The following DGKH variants were observed in gnomAD, a reference collection of about 807,000 sequenced individuals.
The protein encoded by DGKH is diacylglycerol kinase eta.
A neutral mutation model predicts 159.3 loss-of-function variants in DGKH; 90 were observed. The ratio of observed to expected loss-of-function variants is 0.57; its 90% CI spans 0.48 to 0.67. The LOEUF (loss-of-function observed/expected upper bound fraction) is 0.67, where lower values mean the gene tolerates loss of function less well. Among genes scored for constraint, DGKH ranks in the 30% least tolerant of loss-of-function variants. The pLI is 0.00. For synonymous variants in DGKH, 536 were observed against 553.8 expected, an observed-to-expected ratio of 0.97 and a Z score of 0.45; for missense variants, 1,181 against 1,506.1, an observed-to-expected ratio of 0.78 and a Z score of 3.57.
At chr13:42,047,292 T>C (rs1225206614), upstream of DGKH, among the ~76,000 whole-genome samples, 1 of 152,088 alleles carries the variant, frequency 6.6e-6, no homozygotes. Context: ...TTAGCTCTAA[T>C]ATATCAAATT....
chr13:42,207,541 A>T (rs1957536813), intron 21 of DGKH, among the ~76,000 whole-genome samples: 1 of 151,752 alleles, frequency 6.6e-6, no homozygotes, highest in Non-Finnish European at 1.5e-5. Context: ...TTTTATTTTC[A>T]GAAATATCAA....
chr13:42,190,259 C>T, intron 15 of DGKH, 144 bp from the exon 16 acceptor site: 1 of 908,474 alleles, frequency 1.1e-6, no homozygotes, highest in Non-Finnish European at 1.6e-6. Flanking sequence ...GACATCAACC[C>T]CAAGTTCATT....
chr13:42,185,178 A>G (rs1408060108), intron 13 of DGKH, among the ~76,000 whole-genome samples: 2 of 152,190 alleles, frequency 1.3e-5, no homozygotes, highest in Non-Finnish European at 2.9e-5. Flanking sequence ...TAATAACTCT[A>G]CATTCACTAT....
chr13:42,198,715 G>C, intron 18 of DGKH, 120 bp downstream of exon 18: 2 of 941,456 alleles, frequency 2.1e-6, no homozygotes, highest in Admixed American at 2.6e-5. Context: ...AAAAAAGGAT[G>C]ATCAGAAAAT....
At chr13:42,110,801 GTT>G (rs1327684197) in intron 1 of DGKH, among the ~76,000 whole-genome samples, 3 of 152,192 alleles carry the variant, frequency 2.0e-5, no homozygotes, top group African/African-American at 4.8e-5. Flanking sequence ...TGAAAAAACT[GTT>G]ATGTCTGGTA....
At chr13:42,112,622 T>G (rs1954884112) in intron 1 of DGKH, among the ~76,000 whole-genome samples, 1 of 152,252 alleles carries the variant, frequency 6.6e-6, no homozygotes, top group African/African-American at 2.4e-5. Flanking sequence ...CAACTACTCC[T>G]GGTGGCAGTT....
At position 42,207,693 on chromosome 13, in the gene DGKH, GTGTATATA is replaced by G. The variant is rs1466583483; in HGVS notation, c.2602-1264_2602-1257del. ...AAAGAGAGGGCACAATTATTAAAGT[GTGTATATA>G]TATATATATATATATCAGTAAAAAT... is the stretch of plus-strand genomic sequence containing the variant. On this transcript the variant is annotated intron_variant, in intron 21 of 29. Coordinates refer to ENST00000337343, the MANE Select transcript of DGKH (RefSeq NM_178009.5). 1.7e-4 allele frequency among the ~76,000 whole-genome samples: 22 copies of G among 126,534 alleles called. 1 individual carries two copies. Among genetic ancestry groups the G allele is most frequent in the Middle Eastern group, 4.7e-3 (1 of 212 alleles). The allele number at this position is 126,534 out of a possible 152,430, so 83.0% of individuals were successfully genotyped here.
At chr13:42,196,588 A>G (rs1190320340) in intron 17 of DGKH, among the ~76,000 whole-genome samples, 1 of 152,224 alleles carries the variant, frequency 6.6e-6, no homozygotes, top group East Asian at 1.9e-4. Context: ...ATAGAGACAG[A>G]AAGTAGACGG....
chr13:42,119,933 ACT>A (rs1955036157), intron 1 of DGKH, among the ~76,000 whole-genome samples: 2 of 152,022 alleles, frequency 1.3e-5, no homozygotes, highest in Admixed American at 1.3e-4. Flanking sequence ...TTGAAGAATA[ACT>A]CTCTTAAATA....
intron 1 of DGKH, among the ~76,000 whole-genome samples, chr13:42,064,677 A>G (rs898058777): frequency 6.6e-6 from 1 of 151,916 alleles, no homozygotes; most frequent in Non-Finnish European, 1.5e-5. Flanking sequence ...GGAAAGAAAG[A>G]AAAGAAAGAG....
Position 42,048,699 on chromosome 13 carries a change from C to T in DGKH, c.-75C>T, listed in dbSNP as rs1310508546. ...CGGGCACGGGGTTCCGGGCTCCGCT[C>T]GGGCAGAGCCCACCCGCTGACCAAC... On this transcript the variant is annotated 5_prime_UTR_variant, in exon 1 of 30. Coordinates refer to ENST00000337343, the MANE Select transcript of DGKH (RefSeq NM_178009.5). This position sits in a 1 kb window ranked among gnomAD's most constrained non-coding sequence, Gnocchi z 6.7. 1.6e-6 allele frequency: 2 copies of T among 1,214,936 alleles called. No individual in the cohort carries two copies. The highest frequency in any genetic ancestry group is 6.8e-5 in the East Asian group (2 of 29,338). The allele number at this position is 1,214,936 out of a possible 1,614,324, so 75.3% of individuals were successfully genotyped here. A position where few individuals can be genotyped will look rare whatever the true frequency, so the allele number is the denominator to read the frequency against.
chr13:42,194,968 G>A lies in DGKH; in HGVS notation c.2119G>A (p.Ala707Thr), dbSNP rs1957168882. The A allele has an allele frequency of 6.2e-7, 1 of 1,613,930 alleles. No homozygotes were observed. Among genetic ancestry groups the A allele is most frequent in the Non-Finnish European group, 8.5e-7 (1 of 1,179,960 alleles). ...TDSVPGPAVA[A>T]SKENLPVLNT... ...TTCTGTCCCTGGTCCAGCTGTGGCA[G>A]CCAGCAAAGAAAACCTCCCTGTGCT... Residue 707 changes from alanine to threonine, a missense_variant, in exon 17 of 30, where the codon GCC becomes ACC. Physicochemically the swap from Ala to Thr is moderately conservative, Grantham distance 58. Coordinates refer to ENST00000337343, the MANE Select transcript of DGKH (RefSeq NM_178009.5).
intron 1 of DGKH, among the ~76,000 whole-genome samples, chr13:42,067,915 C>T (rs1882698873): frequency 6.6e-6 from 1 of 152,032 alleles, no homozygotes; most frequent in Admixed American, 6.6e-5. Flanking sequence ...TTATCATGTA[C>T]AACTTTTAAA....
intron 1 of DGKH, among the ~76,000 whole-genome samples, chr13:42,094,502 G>A (rs1954483927): frequency 6.6e-6 from 1 of 151,956 alleles, no homozygotes; most frequent in African/African-American, 2.4e-5. Context: ...GGTCTGTCTT[G>A]GTATCTCTGT....
exon 31 of DGKH, chr13:42,256,507 A>C (rs1297587532): frequency 1.2e-5 from 11 of 928,952 alleles, no homozygotes; most frequent in Non-Finnish European, 2.0e-5. Context: ...AACAGGTAAA[A>C]ACTAAGGACA....
rs1280023368 is a variant in DGKH, at chr13:42,241,808, T to C, written c.*12620T>C. 1.3e-5 allele frequency: 2 copies of C among 152,222 alleles called. No individual in the cohort carries two copies. The highest frequency in any genetic ancestry group is 2.9e-5 in the Non-Finnish European group (2 of 68,028). 9.4% of individuals were successfully genotyped at this position (152,222 alleles called of 1,614,324 possible). ...AAATATTACTAGTACTTGTGTGCCATGAGGCACTAATACATAGGTGAAACA... is the reference window on the plus strand; with the variant it reads ...AAATATTACTAGTACTTGTGTGCCACGAGGCACTAATACATAGGTGAAACA... On this transcript the variant is annotated 3_prime_UTR_variant, in exon 30 of 30. Transcript: ENST00000337343.
chr13:42,215,907 C>T (rs347404), intron 26 of DGKH, among the ~76,000 whole-genome samples: 1 of 152,188 alleles, frequency 6.6e-6, no homozygotes, highest in Non-Finnish European at 1.5e-5. Flanking sequence ...TGTTTTTAGG[C>T]AGCCCTGCTC....
chr13:42,170,314 G>C (rs532579688), intron 11 of DGKH, among the ~76,000 whole-genome samples: 1 of 152,098 alleles, frequency 6.6e-6, no homozygotes, highest in African/African-American at 2.4e-5. Flanking sequence ...TTGGAAGGCC[G>C]ATGTGGGAGG....
intron 3 of DGKH, among the ~76,000 whole-genome samples, chr13:42,143,054 A>T (rs1360610610): frequency 6.6e-6 from 1 of 152,172 alleles, no homozygotes; most frequent in Non-Finnish European, 1.5e-5. Context: ...AGCTCTTATT[A>T]CTTTGAGATA....
Sources: allele counts gnomAD v4.1 joint callset (sites outside exome capture counted in the v4.1 genomes callset), GRCh38; gene constraint gnomAD v4.1.1; non-coding constraint Gnocchi (gnomAD v3.1); transcripts MANE v1.5; gene names NCBI Gene and HGNC (gene_info 2026-07-23, HGNC 2026-07-21).